The following MACROD2 variants were observed in gnomAD, a reference collection of about 807,000 sequenced individuals.
The protein encoded by MACROD2 is mono-ADP ribosylhydrolase 2, also known as ADP-ribose glycohydrolase MACROD2.
In MACROD2, 36 loss-of-function variants were observed where a neutral mutation model predicts 70.4. That is an observed-to-expected ratio of 0.51 (90% CI 0.39 to 0.68). The LOEUF (loss-of-function observed/expected upper bound fraction) is 0.68. Among genes scored for constraint, MACROD2 ranks in the 30% least tolerant of loss-of-function variants. MACROD2 has a pLI of 0.00. For missense variants in MACROD2, 496 were observed against 538.4 expected (o/e 0.92, Z 0.78); for synonymous variants, 172 against 178.8 (o/e 0.96, Z 0.30).
intron 8 of MACROD2, among the ~76,000 whole-genome samples, chr20:15,645,512 A>G (rs1017562771): frequency 6.6e-6 from 1 of 152,214 alleles, no homozygotes. Context: ...GGAAAAGCTC[A>G]CTGCCTCATC....
intron 5 of MACROD2, among the ~76,000 whole-genome samples, chr20:14,822,576 T>G (rs1333051315): frequency 6.6e-6 from 1 of 152,118 alleles, no homozygotes; most frequent in African/African-American, 2.4e-5. Context: ...AATTGAACTT[T>G]GGCTATTTCC....
chr20:14,294,751 T>A (rs1228188726), intron 3 of MACROD2, among the ~76,000 whole-genome samples: 2 of 151,856 alleles, frequency 1.3e-5, no homozygotes, highest in Non-Finnish European at 2.9e-5. Flanking sequence ...AATTATAAAT[T>A]TGGCAAATAT....
intron 5 of MACROD2, among the ~76,000 whole-genome samples, chr20:14,851,727 T>TA (rs1166914291): frequency 6.6e-6 from 1 of 152,058 alleles, no homozygotes; most frequent in African/African-American, 2.4e-5. Context: ...TATAAATAAA[T>TA]AAAAAATTGT....
intron 5 of MACROD2, among the ~76,000 whole-genome samples, chr20:14,734,016 C>T (rs1169389360): frequency 6.6e-6 from 1 of 152,064 alleles, no homozygotes; most frequent in Admixed American, 6.5e-5. Flanking sequence ...TGTATGTAGG[C>T]ACTTTCAAAA....
At chr20:15,327,623 A>AT (rs1336300925) in intron 6 of MACROD2, among the ~76,000 whole-genome samples, 1 of 152,076 alleles carries the variant, frequency 6.6e-6, no homozygotes, top group Non-Finnish European at 1.5e-5. Context: ...AACTGCCCCC[A>AT]TGATTAAATT....
At chr20:14,970,954 G>A (rs1483813518) in intron 5 of MACROD2, among the ~76,000 whole-genome samples, 1 of 152,136 alleles carries the variant, frequency 6.6e-6, no homozygotes, top group African/African-American at 2.4e-5. Context: ...ATCACTCTTA[G>A]CTATGATACT....
chr20:14,257,762 T>TG (rs2082069461), intron 3 of MACROD2, among the ~76,000 whole-genome samples: 1 of 152,224 alleles, frequency 6.6e-6, no homozygotes, highest in Non-Finnish European at 1.5e-5. Flanking sequence ...AAATAGTTTT[T>TG]GGGGAACAGA....
intron 8 of MACROD2, among the ~76,000 whole-genome samples, chr20:15,763,093 A>G (rs2051462938): frequency 6.6e-6 from 1 of 152,194 alleles, no homozygotes; most frequent in Non-Finnish European, 1.5e-5. Flanking sequence ...ATGTTTTCAG[A>G]CAGTGTAGCT....
At chr20:15,086,308 ATGT>A (rs2075748469) in intron 5 of MACROD2, among the ~76,000 whole-genome samples, 1 of 152,334 alleles carries the variant, frequency 6.6e-6, no homozygotes, top group Non-Finnish European at 1.5e-5. Flanking sequence ...CACACTATGT[ATGT>A]TATCTTTTGC....
chr20:15,226,225 A>C (rs1287265872), intron 5 of MACROD2, among the ~76,000 whole-genome samples: 1 of 152,152 alleles, frequency 6.6e-6, no homozygotes, highest in East Asian at 1.9e-4. Context: ...TTAGTGACAG[A>C]TCTGGGACTT....
At chr20:15,849,890 A>G (rs192591580) in intron 8 of MACROD2, among the ~76,000 whole-genome samples, 172 of 152,256 alleles carry the variant, frequency 1.1e-3, no homozygotes, top group African/African-American at 3.9e-3. Flanking sequence ...GTCATAGACT[A>G]GATGGCGAGG....
At chr20:14,678,968 A>G (rs2070896270) in intron 4 of MACROD2, among the ~76,000 whole-genome samples, 2 of 152,038 alleles carry the variant, frequency 1.3e-5, no homozygotes, top group Non-Finnish European at 2.9e-5. Flanking sequence ...AAAAAACAAC[A>G]CATTACTTTT....
intron 3 of MACROD2, among the ~76,000 whole-genome samples, chr20:14,456,027 TAA>T (rs1253610344): frequency 6.6e-6 from 1 of 151,876 alleles, no homozygotes; most frequent in Non-Finnish European, 1.5e-5. Context: ...GTGATTCTAT[TAA>T]AATATATGAA....
intron 7 of MACROD2, among the ~76,000 whole-genome samples, chr20:15,455,082 C>A (rs1235214573): frequency 6.6e-6 from 1 of 152,168 alleles, no homozygotes; most frequent in Non-Finnish European, 1.5e-5. Context: ...GGCATCCCAA[C>A]TTCAGGTTTC....
intron 5 of MACROD2, among the ~76,000 whole-genome samples, chr20:15,184,688 T>C (rs1027715020): frequency 6.6e-6 from 1 of 152,212 alleles, no homozygotes; most frequent in Admixed American, 6.5e-5. Flanking sequence ...CTCAGCCACC[T>C]GATCTCAGCC....
At chr20:14,562,324 C>T (rs189974229) in intron 4 of MACROD2, among the ~76,000 whole-genome samples, 2 of 151,870 alleles carry the variant, frequency 1.3e-5, no homozygotes, top group East Asian at 3.9e-4. Context: ...GTCAAATTCA[C>T]TTCTTAGTAA....
At chr20:14,611,272 T>C (rs1983139648) in intron 4 of MACROD2, among the ~76,000 whole-genome samples, 1 of 152,124 alleles carries the variant, frequency 6.6e-6, no homozygotes, top group African/African-American at 2.4e-5. Flanking sequence ...GATGATCAAA[T>C]GTGCTAGTTT....
chr20:14,359,008 G>C (rs1306991764), intron 3 of MACROD2, among the ~76,000 whole-genome samples: 1 of 151,892 alleles, frequency 6.6e-6, no homozygotes. Context: ...GCAACATAAT[G>C]GGACCTCATC....
intron 6 of MACROD2, among the ~76,000 whole-genome samples, chr20:15,322,211 A>G (rs1213787296): frequency 7.1e-6 from 1 of 141,262 alleles, no homozygotes; most frequent in East Asian, 2.0e-4. Context: ...TTTTAAACAT[A>G]CAAAAAAAAT....
Sources: gnomAD v4.1 joint callset for allele counts (sites outside exome capture counted in the v4.1 genomes callset) on GRCh38, gnomAD v4.1.1 for gene constraint, MANE v1.5 for transcripts, NCBI Gene and HGNC (gene_info 2026-07-23, HGNC 2026-07-21) for gene names.